Variants in CTCF observed in about 807,000 individuals in gnomAD.
CTCF encodes the protein transcriptional repressor CTCF.
In CTCF, 7 loss-of-function variants were observed where a neutral mutation model predicts 72.3. That is an observed-to-expected ratio of 0.10 (90% CI 0.06 to 0.18). The LOEUF (loss-of-function observed/expected upper bound fraction) is 0.18, where lower values mean the gene tolerates loss of function less well. Among genes scored for constraint, CTCF ranks in the 10% least tolerant of loss-of-function variants. CTCF has a pLI of 1.00. For synonymous variants in CTCF, 374 were observed against 315.8 expected (o/e 1.18, Z -1.95); for missense variants, 516 against 949.1 (o/e 0.54, Z 6.00).
intron 2 of CTCF, among the ~76,000 whole-genome samples, chr16:67,606,663 T>C (rs541597944): frequency 1.2e-4 from 18 of 152,230 alleles, no homozygotes; most frequent in African/African-American, 4.3e-4. Flanking sequence ...AGACAGAGAA[T>C]TGGAGAAAAG....
intron 4 of CTCF, among the ~76,000 whole-genome samples, chr16:67,614,028 C>T (rs551810640): frequency 2.6e-5 from 4 of 152,134 alleles, no homozygotes; most frequent in Admixed American, 2.6e-4. Context: ...GCATTGCATT[C>T]TAGGGGGCGC....
intron 10 of CTCF, among the ~76,000 whole-genome samples, chr16:67,631,218 T>C (rs1467055145): frequency 1.4e-5 from 2 of 147,756 alleles, no homozygotes; most frequent in Non-Finnish European, 3.0e-5. Context: ...CAGGCTGGAG[T>C]GCAGTAGTGC....
At chr16:67,604,964 A>ATTTTTTTTTT (rs34873720) in intron 2 of CTCF, among the ~76,000 whole-genome samples, 2 of 73,776 alleles carry the variant, frequency 2.7e-5, no homozygotes, top group Admixed American at 1.5e-4. Flanking sequence ...TATAAATGGG[A>ATTTTTTTTTT]TTTTTTTTTT....
In CTCF at chr16:67,611,555, T is replaced by C; in HGVS notation, c.723T>C (p.Asn241=). 4 of 1,614,198 alleles carry C rather than the reference T, an allele frequency of 2.5e-6. No homozygotes were observed. Among genetic ancestry groups the C allele is most frequent in the Non-Finnish European group, 3.4e-6 (4 of 1,180,032 alleles). The change falls in exon 3 of 12, where the codon AAT becomes AAC. Residue 241 remains asparagine (N), a synonymous_variant. Transcript: ENST00000264010. The stretch of plus-strand genomic sequence containing the variant: ...AGGAGGGTCTGCTATCAGAGGTTAA[T>C]GCAGAGAAAGTGGTTGGTAATATGA... ...EQQEGLLSEV[N]AEKVVGNMKP...
At chr16:67,624,583 G>GGTTTTT (rs543484324) in intron 7 of CTCF, among the ~76,000 whole-genome samples, 6 of 151,684 alleles carry the variant, frequency 4.0e-5, no homozygotes, top group East Asian at 1.9e-4. Flanking sequence ...TTAACTCCAA[G>GGTTTTT]GTTTTTGTTT....
intron 10 of CTCF, among the ~76,000 whole-genome samples, chr16:67,630,851 A>G (rs558733508): frequency 6.6e-6 from 1 of 152,262 alleles, no homozygotes; most frequent in East Asian, 1.9e-4. Flanking sequence ...ACATGTTCAG[A>G]GTGTTAGATT....
intron 2 of CTCF, among the ~76,000 whole-genome samples, chr16:67,604,128 C>CAA (rs762004795): frequency 7.0e-5 from 4 of 57,550 alleles, no homozygotes; most frequent in East Asian, 4.7e-4. Context: ...AACCCCGTCT[C>CAA]AAAAAAAAAA....
intron 2 of CTCF, among the ~76,000 whole-genome samples, chr16:67,577,487 G>T (rs1415372231): frequency 6.6e-6 from 1 of 151,034 alleles, no homozygotes; most frequent in Non-Finnish European, 1.5e-5. Context: ...GCCCAGGCTG[G>T]AGTGCAGTGG....
intron 2 of CTCF, among the ~76,000 whole-genome samples, chr16:67,607,393 C>CGTG (rs1201006404): frequency 6.6e-6 from 1 of 152,102 alleles, no homozygotes; most frequent in African/African-American, 2.4e-5. Flanking sequence ...GCAACCTCCA[C>CGTG]CTCCAGGGTT....
chr16:67,616,114 G>A (rs1218254608), intron 4 of CTCF: 4 of 152,278 alleles, frequency 2.6e-5, no homozygotes, highest in Admixed American at 2.6e-4. Context: ...TTGACATTCA[G>A]AATGATCACA....
chr16:67,571,891 C>T (rs7203742), intron 2 of CTCF, among the ~76,000 whole-genome samples: 42,370 of 152,054 alleles, frequency 0.28, 10,395 homozygotes, highest in African/African-American at 0.67. Context: ...AACAGACCTT[C>T]TATAAATATT....
chr16:67,577,184 C>T (rs1051759513), intron 2 of CTCF, among the ~76,000 whole-genome samples: 14 of 151,492 alleles, frequency 9.2e-5, no homozygotes, highest in East Asian at 2.0e-4. Context: ...TTCGGGAGGC[C>T]GAGGTGGGCG....
At chr16:67,624,539 T>C (rs1434067534) in intron 7 of CTCF, among the ~76,000 whole-genome samples, 2 of 152,120 alleles carry the variant, frequency 1.3e-5, no homozygotes, top group African/African-American at 4.8e-5. Flanking sequence ...CTTTAAACTT[T>C]CTCTTATTTT....
At chr16:67,616,376 A>C (rs2052131988) in intron 4 of CTCF, 1 of 180,090 alleles carries the variant, frequency 5.6e-6, no homozygotes, top group Admixed American at 5.6e-5. Flanking sequence ...TCAAACTCTT[A>C]GCCTCCCAGA....
chr16:67,599,102 C>T (rs377258280), intron 2 of CTCF, among the ~76,000 whole-genome samples: 6 of 152,234 alleles, frequency 3.9e-5, no homozygotes, highest in African/African-American at 7.2e-5. Flanking sequence ...TGGCCGGGTG[C>T]GGTGGCTGAA....
chr16:67,564,684 TTAAA>T (rs2051320072), intron 1 of CTCF, among the ~76,000 whole-genome samples: 1 of 152,214 alleles, frequency 6.6e-6, no homozygotes, highest in African/African-American at 2.4e-5. Context: ...TTTTATTTAT[TTAAA>T]TAAGCTCAAC....
At chr16:67,576,815 C>T (rs2051504228) in intron 2 of CTCF, among the ~76,000 whole-genome samples, 1 of 152,010 alleles carries the variant, frequency 6.6e-6, no homozygotes, top group Admixed American at 6.6e-5. Context: ...CAGGCGTGAG[C>T]CACCGTGCCT....
At chr16:67,584,516 C>T (rs2051640240) in intron 2 of CTCF, among the ~76,000 whole-genome samples, 1 of 151,482 alleles carries the variant, frequency 6.6e-6, no homozygotes, top group Non-Finnish European at 1.5e-5. Flanking sequence ...TTAGTAGAGA[C>T]AGGGTTTCAC....
intron 7 of CTCF, chr16:67,623,312 G>A (rs1410032250): frequency 1.3e-5 from 2 of 151,730 alleles, no homozygotes; most frequent in African/African-American, 2.4e-5. Flanking sequence ...CTCCCCTCTT[G>A]GTCTCAGTAA....
Sources: gnomAD v4.1 joint callset for allele counts (sites outside exome capture counted in the v4.1 genomes callset) on GRCh38, gnomAD v4.1.1 for gene constraint, MANE v1.5 for transcripts, NCBI Gene and HGNC (gene_info 2026-07-23, HGNC 2026-07-21) for gene names.